The following NLGN1 variants were observed in gnomAD, a reference collection of about 807,000 sequenced individuals.
NLGN1 encodes the protein neuroligin-1.
NLGN1 carries 12 observed loss-of-function variants against 65.5 expected under a neutral mutation model. The observed-to-expected ratio is 0.18, with a 90% CI of 0.12 to 0.30. The LOEUF is 0.30. NLGN1 is among the 10% of genes least tolerant of loss of function. The pLI, the probability that NLGN1 is intolerant of heterozygous loss-of-function variation, is 1.00. For synonymous variants in NLGN1, 350 were observed against 359.5 expected (o/e 0.97, Z 0.30); for missense variants, 750 against 1,007.1 (o/e 0.74, Z 3.46).
intron 4 of NLGN1, among the ~76,000 whole-genome samples, chr3:174,256,273 C>T (rs555685598): frequency 6.6e-5 from 10 of 152,130 alleles, no homozygotes; most frequent in Admixed American, 1.3e-4. Flanking sequence ...TTGTCAAGAG[C>T]GCCAATGGAA....
intron 4 of NLGN1, among the ~76,000 whole-genome samples, chr3:173,990,305 A>T (rs890840566): frequency 1.3e-5 from 2 of 152,160 alleles, no homozygotes; most frequent in Non-Finnish European, 2.9e-5. Flanking sequence ...TTTCTCAATC[A>T]AAAAGTTCTC....
At chr3:173,406,051 T>C (rs925145938) in intron 1 of NLGN1, among the ~76,000 whole-genome samples, 3 of 152,122 alleles carry the variant, frequency 2.0e-5, no homozygotes, top group African/African-American at 7.2e-5. Flanking sequence ...TATTGTATCA[T>C]ATATAGCTTT....
At chr3:174,141,313 G>A (rs568680559) in intron 4 of NLGN1, among the ~76,000 whole-genome samples, 1 of 152,236 alleles carries the variant, frequency 6.6e-6, no homozygotes, top group East Asian at 1.9e-4. Context: ...ATAAATGAGA[G>A]GAGGTTGCTG....
intron 3 of NLGN1, among the ~76,000 whole-genome samples, chr3:173,671,092 C>A (rs1476651922): frequency 6.6e-6 from 1 of 152,138 alleles, no homozygotes; most frequent in Admixed American, 6.5e-5. Context: ...ACTATTCACT[C>A]TTAAATACTT....
At chr3:173,842,083 C>T (rs1039559200) in intron 4 of NLGN1, among the ~76,000 whole-genome samples, 2 of 152,112 alleles carry the variant, frequency 1.3e-5, no homozygotes, top group African/African-American at 4.8e-5. Context: ...CAAGGAGGAG[C>T]AAGTCACAGC....
At chr3:174,066,564 C>CTCTCTCTGTGTG (rs1553925385) in intron 4 of NLGN1, among the ~76,000 whole-genome samples, 4 of 100,052 alleles carry the variant, frequency 4.0e-5, no homozygotes, top group African/African-American at 1.2e-4. Context: ...CTCTCTCTCT[C>CTCTCTCTGTGTG]TGTGTGTGTG....
In NLGN1 at chr3:173,543,227, C is replaced by T. The variant is rs908786328; in HGVS notation, c.-320-61052C>T. Among the ~76,000 whole-genome samples, 3 of 152,246 alleles carry T rather than the reference C, an allele frequency of 2.0e-5. No individual in the cohort carries two copies. In the South Asian group the frequency reaches 6.2e-4, roughly 32 times the overall value. ...GAAATGTTGCTTTTATAGCTTCCAG[C>T]TAATTTCACAACATATGTTCTGATT... On this transcript the variant is annotated intron_variant, in intron 2 of 6. Coordinates refer to ENST00000457714, the Ensembl canonical transcript of NLGN1.
chr3:173,772,951 T>C (rs924876907), intron 3 of NLGN1, among the ~76,000 whole-genome samples: 1 of 152,334 alleles, frequency 6.6e-6, no homozygotes, highest in Non-Finnish European at 1.5e-5. Flanking sequence ...AAAAGCAATC[T>C]TCCCCTGGCA....
chr3:173,796,235 G>A (rs1714036246), intron 3 of NLGN1, among the ~76,000 whole-genome samples: 1 of 152,072 alleles, frequency 6.6e-6, no homozygotes, highest in African/African-American at 2.4e-5. Flanking sequence ...ATGATAAAAA[G>A]CAGCATTAAT....
At chr3:174,186,849 A>C (rs1007812348) in intron 4 of NLGN1, among the ~76,000 whole-genome samples, 3 of 151,996 alleles carry the variant, frequency 2.0e-5, no homozygotes, top group African/African-American at 7.2e-5. Flanking sequence ...CATCACTGAA[A>C]GATAAGATAC....
chr3:173,417,541 G>T lies in NLGN1; in HGVS notation c.-389-17469G>T, dbSNP rs1197920308. Among the ~76,000 whole-genome samples the T allele has an allele frequency of 2.6e-5, 4 of 151,742 alleles. No individual in the cohort carries two copies. The East Asian group carries it at 7.7e-4, about 29-fold the overall frequency. Reference sequence around the variant, plus strand: ...ATTCATATTTTGCTATCATTATGTGGATTTAAACACTCTTAGAAAATATGT... The same window carrying T: ...ATTCATATTTTGCTATCATTATGTGTATTTAAACACTCTTAGAAAATATGT... On this transcript the variant is annotated intron_variant, in intron 1 of 6. Transcript: ENST00000457714.
chr3:173,887,894 T>G (rs1734655482), intron 4 of NLGN1, among the ~76,000 whole-genome samples: 1 of 151,962 alleles, frequency 6.6e-6, no homozygotes, highest in Non-Finnish European at 1.5e-5. Flanking sequence ...CTTCTACCAC[T>G]ACTGTCATCA....
At chr3:173,888,993 A>C (rs1215015012) in intron 4 of NLGN1, among the ~76,000 whole-genome samples, 1 of 152,148 alleles carries the variant, frequency 6.6e-6, no homozygotes, top group Non-Finnish European at 1.5e-5. Flanking sequence ...TACATTTCAA[A>C]CCAGCTATAC....
intron 2 of NLGN1, among the ~76,000 whole-genome samples, chr3:173,583,629 G>A (rs905192965): frequency 6.6e-6 from 1 of 152,224 alleles, no homozygotes; most frequent in African/African-American, 2.4e-5. Flanking sequence ...AGCCCTCAAA[G>A]TGTGATTAGA....
rs187754316 is a variant in NLGN1 at position 173,931,389 on chromosome 3, G to A, written c.646+123557G>A. 2.0e-5 allele frequency among the ~76,000 whole-genome samples: 3 copies of A among 152,288 alleles called. No individual in the cohort carries two copies. The East Asian group carries it at 5.8e-4, about 29-fold the overall frequency. On this transcript the variant is annotated intron_variant, in intron 4 of 6. Coordinates refer to ENST00000457714, the Ensembl canonical transcript of NLGN1. ...CATAAGGAACATGGAGGGTTACAGG[G>A]TGGAGGGGGCTTGGGTCCCTATTTT...
intron 2 of NLGN1, among the ~76,000 whole-genome samples, chr3:173,587,043 T>C (rs1029915167): frequency 6.6e-6 from 1 of 152,192 alleles, no homozygotes; most frequent in African/African-American, 2.4e-5. Flanking sequence ...TGGCTGTTGA[T>C]ATAAAAATAG....
intron 4 of NLGN1, among the ~76,000 whole-genome samples, chr3:173,854,357 T>A (rs1467726452): frequency 6.8e-6 from 1 of 146,428 alleles, no homozygotes; most frequent in East Asian, 2.0e-4. Context: ...GTAAGTCTGA[T>A]TTTTTTTTTA....
At chr3:174,168,293 G>C (rs544412450) in intron 4 of NLGN1, among the ~76,000 whole-genome samples, 1 of 152,082 alleles carries the variant, frequency 6.6e-6, no homozygotes, top group East Asian at 1.9e-4. Context: ...TAGATTTTTC[G>C]TGGTGACAGA....
At position 174,041,780 on chromosome 3, in the gene NLGN1, A is replaced by G. The variant is rs187916623; in HGVS notation, c.647-233535A>G. On this transcript the variant is annotated intron_variant, in intron 4 of 6. Transcript: ENST00000457714. ...TATTATTTTGCGAAAGGTTTGTTCA[A>G]ATATTTTGCCCATTTAAAAAATTGA... is the stretch of plus-strand genomic sequence containing the variant. 7.2e-5 allele frequency among the ~76,000 whole-genome samples: 11 copies of G among 152,212 alleles called. No homozygotes were observed. In the East Asian group the frequency reaches 2.1e-3, roughly 29 times the overall value.
Sources: gnomAD v4.1 joint callset for allele counts (sites outside exome capture counted in the v4.1 genomes callset) on GRCh38, gnomAD v4.1.1 for gene constraint, MANE v1.5 for transcripts, NCBI Gene and HGNC (gene_info 2026-07-23, HGNC 2026-07-21) for gene names.